TBCK: variants seen among roughly 807,000 people sequenced by gnomAD.
The protein encoded by TBCK is TBC1 domain containing kinase, also known as TBC domain-containing protein kinase-like protein.
Under a neutral mutation model 113.4 loss-of-function variants are expected in TBCK, and 99 were observed. The ratio of observed to expected loss-of-function variants is 0.87; its 90% CI spans 0.74 to 1.03. The LOEUF (loss-of-function observed/expected upper bound fraction) is 1.03, where lower values mean the gene tolerates loss of function less well. Ranked by LOEUF, TBCK falls within the 50% of genes least tolerant of loss-of-function variation. The pLI is 0.00. For missense variants in TBCK, 1,045 were observed against 1,061.3 expected, an observed-to-expected ratio of 0.98 and a Z score of 0.21; for synonymous variants, 369 against 370.8, an observed-to-expected ratio of 1.00 and a Z score of 0.05.
rs192360274 is a variant in TBCK, at chr4:106,235,484, T to C, written c.1351-117A>G. ...AAGTGACTTGCAATAAATTTCAAAG[T>C]ATGTGCAATTATTGTGTCTGGTGTT... On this transcript the variant is annotated intron_variant, in intron 14 of 25. Coordinates refer to ENST00000394708, the MANE Select transcript of TBCK (RefSeq NM_001163435.3). The C allele has an allele frequency of 1.2e-4, 65 of 531,224 alleles. No individual in the cohort carries two copies. In the Middle Eastern group the frequency reaches 2.7e-3, roughly 22 times the overall value. The allele number at this position is 531,224 out of a possible 1,614,324, so 32.9% of individuals were successfully genotyped here.
At chr4:106,131,175 G>T (rs755278539) in intron 23 of TBCK, among the ~76,000 whole-genome samples, 1 of 152,164 alleles carries the variant, frequency 6.6e-6, no homozygotes, top group Admixed American at 6.5e-5. Flanking sequence ...CTTGCCTGCC[G>T]CCATGTAAGA....
intron 25 of TBCK, among the ~76,000 whole-genome samples, chr4:106,083,386 C>A (rs1321573224): frequency 1.3e-5 from 2 of 152,192 alleles, no homozygotes; most frequent in Non-Finnish European, 2.9e-5. Flanking sequence ...CTTCCCTGAA[C>A]AATCTCCAAT....
Position 106,235,374 on chromosome 4 carries a change from T to A in TBCK, c.1351-7A>T, listed in dbSNP as rs1388234207. The stretch of plus-strand genomic sequence containing the variant: ...TTTTTTTATATGGATAAGCCTATGA[T>A]ATCAAAAAAGAAATGAAAACGTCTC... On this transcript the variant is annotated splice_polypyrimidine_tract_variant and splice_region_variant and intron_variant, in intron 14 of 25. Coordinates refer to ENST00000394708, the MANE Select transcript of TBCK (RefSeq NM_001163435.3). 21 of 1,579,046 alleles carry A rather than the reference T, an allele frequency of 1.3e-5. No homozygotes were observed. The highest frequency in any genetic ancestry group is 2.7e-5 in the African/African-American group (2 of 73,444).
At chr4:106,101,727 T>C (rs1741579814) in intron 24 of TBCK, among the ~76,000 whole-genome samples, 1 of 152,190 alleles carries the variant, frequency 6.6e-6, no homozygotes, top group Non-Finnish European at 1.5e-5. Context: ...AGCCTTGATT[T>C]CAAGCAAATG....
chr4:106,088,345 T>A (rs924756431), intron 25 of TBCK, among the ~76,000 whole-genome samples: 1 of 151,974 alleles, frequency 6.6e-6, no homozygotes, highest in African/African-American at 2.4e-5. Context: ...TCAACAAACA[T>A]GAAAAAAAGC....
At chr4:106,159,044 AAAC>A (rs1464687767) in intron 23 of TBCK, among the ~76,000 whole-genome samples, 2 of 152,032 alleles carry the variant, frequency 1.3e-5, no homozygotes, top group East Asian at 3.9e-4. Context: ...GAAAAAAAAA[AAAC>A]AACCACATGA....
In TBCK at chr4:106,225,157, G is replaced by GT. The variant is rs930066345; in HGVS notation, c.1774+5205dup. Among the ~76,000 whole-genome samples, 29 of 151,568 alleles carry GT rather than the reference G, an allele frequency of 1.9e-4. 1 individual carries two copies. Among genetic ancestry groups the GT allele is most frequent in the Non-Finnish European group, 1.0e-4 (7 of 67,920 alleles). ...CTGAAAGACTAAATTAATTGAAACT[G>GT]TTTTTTTTCTTATGTAACATATGGT... On this transcript the variant is annotated intron_variant, in intron 19 of 25. Transcript: ENST00000394708.
At chr4:106,279,816 C>A (rs1399247283) in intron 3 of TBCK, among the ~76,000 whole-genome samples, 1 of 152,128 alleles carries the variant, frequency 6.6e-6, no homozygotes, top group Non-Finnish European at 1.5e-5. Context: ...ACCATATTTT[C>A]TTTACCCATT....
chr4:106,312,449 T>C (rs1264784700), intron 1 of TBCK, among the ~76,000 whole-genome samples: 1 of 148,754 alleles, frequency 6.7e-6, no homozygotes, highest in Non-Finnish European at 1.5e-5. Context: ...TTTAAATGAC[T>C]GGCAGTAACA....
At chr4:106,075,098 T>C (rs1196581497) in intron 25 of TBCK, among the ~76,000 whole-genome samples, 1 of 152,112 alleles carries the variant, frequency 6.6e-6, no homozygotes. Context: ...ATACATAATA[T>C]AATTCCAACA....
At chr4:106,153,746 A>T (rs932604191) in intron 23 of TBCK, among the ~76,000 whole-genome samples, 1 of 151,958 alleles carries the variant, frequency 6.6e-6, no homozygotes, top group Non-Finnish European at 1.5e-5. Flanking sequence ...CTGAATTCAT[A>T]TATGTTTACA....
intron 25 of TBCK, among the ~76,000 whole-genome samples, chr4:106,086,774 C>T (rs1739563518): frequency 6.6e-6 from 1 of 152,186 alleles, no homozygotes; most frequent in African/African-American, 2.4e-5. Flanking sequence ...AAAGCTGGCT[C>T]AACAGATGCA....
chr4:106,257,162 C>T (rs1473644171), intron 5 of TBCK, among the ~76,000 whole-genome samples: 1 of 152,018 alleles, frequency 6.6e-6, no homozygotes, highest in African/African-American at 2.4e-5. Context: ...ATCCCAGTGC[C>T]TAGAAATAAA....
chr4:106,301,913 T>C (rs1228504764), intron 2 of TBCK, among the ~76,000 whole-genome samples: 1 of 152,226 alleles, frequency 6.6e-6, no homozygotes, highest in African/African-American at 2.4e-5. Context: ...TGTGTTCATA[T>C]TGAGAAATAC....
chr4:106,225,361 A>G (rs567858799), intron 19 of TBCK, among the ~76,000 whole-genome samples: 1 of 152,328 alleles, frequency 6.6e-6, no homozygotes, highest in South Asian at 2.1e-4. Flanking sequence ...TAGAGAAACA[A>G]GCAATCAATA....
At chr4:106,147,144 C>A (rs1747894215) in intron 23 of TBCK, among the ~76,000 whole-genome samples, 1 of 152,166 alleles carries the variant, frequency 6.6e-6, no homozygotes, top group South Asian at 2.1e-4. Flanking sequence ...TCAGTGAAGT[C>A]TTGAACTCCT....
rs868783835 is a variant in TBCK, at chr4:106,124,486, C to G, written c.2236-8108G>C. Among the ~76,000 whole-genome samples the G allele has an allele frequency of 1.1e-3, 160 of 152,240 alleles. No homozygotes were observed. The Middle Eastern group carries it at 0.014, about 13-fold the overall frequency. ...GAACTAGAAATACCATTTGACCCAG[C>G]CATCCCATTACTGGGTATATACCCA... On this transcript the variant is annotated intron_variant, in intron 23 of 25. Coordinates refer to ENST00000394708, the MANE Select transcript of TBCK (RefSeq NM_001163435.3).
chr4:106,097,806 AAT>A (rs1741102275), intron 24 of TBCK, among the ~76,000 whole-genome samples: 1 of 152,212 alleles, frequency 6.6e-6, no homozygotes, highest in Admixed American at 6.5e-5. Context: ...ATCAGAATAA[AAT>A]ATGAGGTATT....
chr4:106,275,791 A>C (rs1219760496), intron 3 of TBCK, among the ~76,000 whole-genome samples: 1 of 152,148 alleles, frequency 6.6e-6, no homozygotes, highest in Non-Finnish European at 1.5e-5. Context: ...TTTGGAGAGA[A>C]ATAACATGTT....
Sources: gnomAD v4.1 joint callset for allele counts (sites outside exome capture counted in the v4.1 genomes callset) on GRCh38, gnomAD v4.1.1 for gene constraint, MANE v1.5 for transcripts, NCBI Gene and HGNC (gene_info 2026-07-23, HGNC 2026-07-21) for gene names.